The following SAMD8 variants were observed in gnomAD, a reference collection of about 807,000 sequenced individuals.
The protein encoded by SAMD8 is sterile alpha motif domain containing 8.
SAMD8 carries 20 observed loss-of-function variants against 42.0 expected under a neutral mutation model. The ratio of observed to expected loss-of-function variants is 0.48; its 90% CI spans 0.34 to 0.69. The LOEUF is 0.69. SAMD8 is among the 30% of genes least tolerant of loss of function. SAMD8 has a pLI of 0.01. For missense variants in SAMD8, 328 were observed against 511.6 expected, an observed-to-expected ratio of 0.64 and a Z score of 3.46; for synonymous variants, 162 against 173.0, an observed-to-expected ratio of 0.94 and a Z score of 0.50.
intron 1 of SAMD8, among the ~76,000 whole-genome samples, chr10:75,136,238 A>G (rs1404697630): frequency 6.6e-6 from 1 of 152,144 alleles, no homozygotes; most frequent in Non-Finnish European, 1.5e-5. Flanking sequence ...TAAGTTACTA[A>G]TAGGTTATTT....
At chr10:75,149,086 T>A (rs937805952) in intron 1 of SAMD8, among the ~76,000 whole-genome samples, 5 of 152,196 alleles carry the variant, frequency 3.3e-5, no homozygotes, top group Admixed American at 6.5e-5. Context: ...CTACCATTTT[T>A]AAAAAATTAT....
rs112027377 is a variant in SAMD8 at position 75,112,832 on chromosome 10, A to G, written c.-16+1110A>G. Reference sequence around the variant, plus strand: ...TCAACATGGACTGGTTCCACTTTCAAAGTTTTAAGTTGACACATGTATTTG... The same window carrying G: ...TCAACATGGACTGGTTCCACTTTCAGAGTTTTAAGTTGACACATGTATTTG... On this transcript the variant is annotated intron_variant, in intron 1 of 5. Coordinates refer to ENST00000542569, the MANE Select transcript of SAMD8 (RefSeq NM_001174156.2). Among the ~76,000 whole-genome samples, 513 of 152,314 alleles carry G rather than the reference A, an allele frequency of 3.4e-3. 1 individual carries two copies. The highest frequency in any genetic ancestry group is 0.012 in the African/African-American group (487 of 41,568).
At chr10:75,146,543 C>T (rs749718513) in intron 1 of SAMD8, among the ~76,000 whole-genome samples, 3 of 152,216 alleles carry the variant, frequency 2.0e-5, no homozygotes, top group Admixed American at 1.3e-4. Flanking sequence ...ACCTCAGCCT[C>T]CCTAAGTGCT....
intron 1 of SAMD8, among the ~76,000 whole-genome samples, chr10:75,149,086 T>C (rs937805952): frequency 6.6e-6 from 1 of 152,314 alleles, no homozygotes; most frequent in African/African-American, 2.4e-5. Context: ...CTACCATTTT[T>C]AAAAAATTAT....
intron 1 of SAMD8, among the ~76,000 whole-genome samples, chr10:75,127,950 C>T (rs1199631183): frequency 6.6e-6 from 1 of 152,114 alleles, no homozygotes; most frequent in African/African-American, 2.4e-5. Context: ...GTGATAAACC[C>T]TTTACCGGTC....
chr10:75,138,958 C>CTTTT (rs201911661), intron 1 of SAMD8, among the ~76,000 whole-genome samples: 3 of 133,310 alleles, frequency 2.3e-5, no homozygotes, highest in African/African-American at 2.8e-5. Context: ...GTGGTTTTTT[C>CTTTT]TTTTTTTTTT....
intron 1 of SAMD8, among the ~76,000 whole-genome samples, chr10:75,115,375 A>G (rs1004136362): frequency 1.3e-5 from 2 of 152,178 alleles, no homozygotes; most frequent in Admixed American, 6.5e-5. Context: ...TTGAGAAATC[A>G]AGATGTTAAC....
intron 1 of SAMD8, among the ~76,000 whole-genome samples, chr10:75,134,295 C>A (rs1027135217): frequency 6.6e-6 from 1 of 152,124 alleles, no homozygotes; most frequent in Non-Finnish European, 1.5e-5. Flanking sequence ...ACACGTTTAC[C>A]TGTATAACAA....
intron 1 of SAMD8, among the ~76,000 whole-genome samples, chr10:75,102,681 G>A (rs1236062230): frequency 1.2e-4 from 18 of 152,156 alleles, no homozygotes; most frequent in Admixed American, 7.2e-4. Flanking sequence ...GGCTGGTCGC[G>A]GTGGCTCATG....
rs184373462 is a variant in SAMD8, at chr10:75,180,675, T to C, written c.*3983T>C. The C allele has an allele frequency of 1.7e-4, 26 of 152,312 alleles. No individual in the cohort carries two copies. Among genetic ancestry groups the C allele is most frequent in the African/African-American group, 6.0e-4 (25 of 41,578 alleles). The allele number at this position is 152,312 out of a possible 1,614,324, so 9.4% of individuals were successfully genotyped here. A position where few individuals can be genotyped will look rare whatever the true frequency, so the allele number is the denominator to read the frequency against. On this transcript the variant is annotated 3_prime_UTR_variant, in exon 6 of 6. Coordinates refer to ENST00000542569, the MANE Select transcript of SAMD8 (RefSeq NM_001174156.2). ...TCAAGAGACCTGCAGGGATTATAAC[T>C]CTTTACTCTGTGAGCAGCGGTGTTT...
rs543644753 is a variant in SAMD8, at chr10:75,177,848, T to G, written c.*1156T>G. 6.6e-6 allele frequency: 1 copy of G among 152,338 alleles called. No individual in the cohort carries two copies. Among genetic ancestry groups the G allele is most frequent in the East Asian group, 1.9e-4 (1 of 5,192 alleles). The allele number at this position is 152,338 out of a possible 1,614,324, so 9.4% of individuals were successfully genotyped here. ...AGCTGCTATTTACAACACTAGAAAT[T>G]TAGTACTTTAAGTAATTTCACATCT... On this transcript the variant is annotated 3_prime_UTR_variant, in exon 6 of 6. Transcript: ENST00000542569.
intron 1 of SAMD8, among the ~76,000 whole-genome samples, chr10:75,122,931 A>C (rs1277947138): frequency 6.6e-6 from 1 of 152,198 alleles, no homozygotes; most frequent in Non-Finnish European, 1.5e-5. Flanking sequence ...ATATTGAACC[A>C]GCCTTGCATC....
At chr10:75,105,984 G>A (rs1564667032) in intron 1 of SAMD8, 3 of 941,164 alleles carry the variant, frequency 3.2e-6, no homozygotes, top group Non-Finnish European at 4.9e-6. Flanking sequence ...GTGATCCTGA[G>A]CAAGTCACTC....
At chr10:75,160,181 CTAAAT>C (rs1840523478) in intron 2 of SAMD8, among the ~76,000 whole-genome samples, 2 of 152,058 alleles carry the variant, frequency 1.3e-5, no homozygotes, top group African/African-American at 4.8e-5. Context: ...AGTGATGACT[CTAAAT>C]TACTAAAGAA....
At chr10:75,109,281 G>T, upstream of SAMD8, 2 of 1,176,034 alleles carry the variant, frequency 1.7e-6, no homozygotes, top group South Asian at 1.7e-5. Flanking sequence ...AGTCACAGGG[G>T]CCTCTGGAGT....
chr10:75,103,651 C>T (rs995047158), intron 1 of SAMD8, among the ~76,000 whole-genome samples: 25 of 152,234 alleles, frequency 1.6e-4, no homozygotes, highest in African/African-American at 6.0e-4. Context: ...GAACAGGGCA[C>T]ACCCATGCCT....
intron 1 of SAMD8, 169 bp from the exon 2 acceptor site, chr10:75,150,345 C>A: frequency 9.3e-6 from 5 of 536,310 alleles, no homozygotes; most frequent in African/African-American, 2.1e-5. Flanking sequence ...TGGTCTCGAA[C>A]TCCTGGGCTT....
At chr10:75,134,637 C>G (rs542027518) in intron 1 of SAMD8, among the ~76,000 whole-genome samples, 67 of 151,622 alleles carry the variant, frequency 4.4e-4, no homozygotes, top group Non-Finnish European at 5.7e-4. Context: ...TTTCCCCCCC[C>G]CAAAAAAAAG....
intron 3 of SAMD8, among the ~76,000 whole-genome samples, chr10:75,167,258 G>GT (rs1034244272): frequency 7.2e-5 from 11 of 152,076 alleles, no homozygotes; most frequent in African/African-American, 2.4e-4. Context: ...TTTACAGTGG[G>GT]TTTTTTTGTT....
Sources: allele counts gnomAD v4.1 joint callset (sites outside exome capture counted in the v4.1 genomes callset), GRCh38; gene constraint gnomAD v4.1.1; transcripts MANE v1.5; gene names NCBI Gene and HGNC (gene_info 2026-07-23, HGNC 2026-07-21).